CACNA1C: variants seen among roughly 807,000 people sequenced by gnomAD.
CACNA1C encodes calcium voltage-gated channel subunit alpha1 C.
A neutral mutation model predicts 229.0 loss-of-function variants in CACNA1C; 30 were observed. The observed-to-expected ratio is 0.13, with a 90% CI of 0.10 to 0.18. The LOEUF (loss-of-function observed/expected upper bound fraction) is 0.18. Ranked by LOEUF, CACNA1C falls within the 10% of genes least tolerant of loss-of-function variation. The pLI, the probability that CACNA1C is intolerant of heterozygous loss-of-function variation, is 1.00. For missense variants in CACNA1C, 1,658 were observed against 2,845.0 expected, an observed-to-expected ratio of 0.58 and a Z score of 9.49; for synonymous variants, 1,114 against 1,132.5, an observed-to-expected ratio of 0.98 and a Z score of 0.33.
chr12:2,311,950 G>A (rs1421031441), intron 3 of CACNA1C, among the ~76,000 whole-genome samples: 3 of 152,176 alleles, frequency 2.0e-5, no homozygotes, highest in African/African-American at 7.2e-5. Flanking sequence ...AAATAAAAGA[G>A]CAGGGTGTTC....
rs1488680576 is a variant in CACNA1C, at chr12:2,054,143, T to C, written c.49+532T>C. ...CACTCTCGTCCAGGCGCCCCTGCCC[T>C]GGGCGGCGCGCTCCAGGTGGCGGGT... is the stretch of plus-strand genomic sequence containing the variant. On this transcript the variant is annotated intron_variant, in intron 1 of 46. Coordinates refer to ENST00000399655, the MANE Select transcript of CACNA1C (RefSeq NM_000719.7). The surrounding 1 kb of genome is among the most constrained non-coding windows in gnomAD (Gnocchi z 5.5). 6.6e-6 allele frequency among the ~76,000 whole-genome samples: 1 copy of C among 151,430 alleles called. No individual in the cohort carries two copies. The highest frequency in any genetic ancestry group is 2.0e-4 in the East Asian group (1 of 5,106).
At chr12:2,291,100 T>C (rs1427506212) in intron 3 of CACNA1C, among the ~76,000 whole-genome samples, 1 of 152,192 alleles carries the variant, frequency 6.6e-6, no homozygotes, top group African/African-American at 2.4e-5. Flanking sequence ...TGATGGTGAA[T>C]ATGTCGTAGG....
chr12:2,171,089 C>T (rs1201943233), intron 3 of CACNA1C, among the ~76,000 whole-genome samples: 1 of 152,212 alleles, frequency 6.6e-6, no homozygotes, highest in African/African-American at 2.4e-5. Context: ...ACATCTTTTA[C>T]CTGGCGGATC....
intron 4 of CACNA1C, among the ~76,000 whole-genome samples, chr12:2,451,714 G>A (rs1240768949): frequency 2.0e-5 from 3 of 152,200 alleles, no homozygotes; most frequent in Non-Finnish European, 4.4e-5. Flanking sequence ...ACCACAAGGG[G>A]CCAGGCTTTT....
At chr12:2,626,222 C>T (rs960976144) in intron 29 of CACNA1C, among the ~76,000 whole-genome samples, 6 of 152,320 alleles carry the variant, frequency 3.9e-5, no homozygotes, top group South Asian at 4.1e-4. Context: ...CCCTGCCTGG[C>T]GTACCTGTGC....
rs1042431934 is a variant in CACNA1C at position 2,632,671 on chromosome 12, C to T, written c.3829-1626C>T. Among the ~76,000 whole-genome samples, 11 of 152,330 alleles carry T rather than the reference C, an allele frequency of 7.2e-5. No homozygotes were observed. In the East Asian group the frequency reaches 2.1e-3, roughly 29 times the overall value. ...CTCTCCTTCAGGGCACCACTGTCTT[C>T]ATCCCCTTCTAGGCAGCCAGCCTCC... is the stretch of plus-strand genomic sequence containing the variant. On this transcript the variant is annotated intron_variant, in intron 29 of 46. Coordinates refer to ENST00000399655, the MANE Select transcript of CACNA1C (RefSeq NM_000719.7). The surrounding 1 kb of genome is among the most constrained non-coding windows in gnomAD (Gnocchi z 4.1).
At chr12:2,205,329 G>A (rs1344832480) in intron 3 of CACNA1C, among the ~76,000 whole-genome samples, 2 of 152,196 alleles carry the variant, frequency 1.3e-5, no homozygotes, top group East Asian at 3.9e-4. Flanking sequence ...GTGGGGGCAG[G>A]GCATGTAGCC....
rs113356074 is a variant in CACNA1C, at chr12:2,296,397, T to G, written c.478-152579T>G. ...GACAACAAAGACATCTGATATTTCC[T>G]GACACTGCCATCCTCTGGGCTCTGG... is the stretch of plus-strand genomic sequence containing the variant. On this transcript the variant is annotated intron_variant, in intron 3 of 46. Transcript: ENST00000399655. Among the ~76,000 whole-genome samples, 19 of 152,340 alleles carry G rather than the reference T, an allele frequency of 1.2e-4. 1 individual carries two copies. Among genetic ancestry groups the G allele is most frequent in the African/African-American group, 4.6e-4 (19 of 41,580 alleles).
chr12:2,457,789 C>G, intron 5 of CACNA1C, 83 bp downstream of exon 5: 1 of 1,215,222 alleles, frequency 8.2e-7, no homozygotes, highest in Non-Finnish European at 1.1e-6. Flanking sequence ...GAACACTCTG[C>G]AAAGGGACCT....
Position 2,029,721 on chromosome 12 carries a change from C to T in CACNA1C, c.139+58520C>T, listed in dbSNP as rs763776565. 2.0e-5 allele frequency among the ~76,000 whole-genome samples: 3 copies of T among 152,182 alleles called. No individual in the cohort carries two copies. The highest frequency in any genetic ancestry group is 2.9e-5 in the Non-Finnish European group (2 of 68,034). On this transcript the variant is annotated intron_variant, in intron 1 of 46. Transcript: ENST00000682462. This position sits in a 1 kb window ranked among gnomAD's most constrained non-coding sequence, Gnocchi z 4.9. The stretch of plus-strand genomic sequence containing the variant: ...TGACACAGTTTTCTGTTTCTTTCCA[C>T]CCCACAACTTGGTCATTAGTAAGGG...
Position 2,585,923 on chromosome 12 carries a change from A to C in CACNA1C, c.2530+19A>C, listed in dbSNP as rs757560550. The C allele has an allele frequency of 4.8e-5, 72 of 1,512,496 alleles. No homozygotes were observed. The highest frequency in any genetic ancestry group is 6.1e-5 in the Non-Finnish European group (68 of 1,108,016). 93.7% of individuals were successfully genotyped at this position (1,512,496 alleles called of 1,614,324 possible). On this transcript the variant is annotated intron_variant, in intron 18 of 46. Coordinates refer to ENST00000399655, the MANE Select transcript of CACNA1C (RefSeq NM_000719.7). This position sits in a 1 kb window ranked among gnomAD's most constrained non-coding sequence, Gnocchi z 4.1. ...ACTACAGGTACCAGTCCCACTGCCT[A>C]ACCTGGGATTGGGAGATTGGGGGCA...
At chr12:2,263,315 C>T (rs942307116) in intron 3 of CACNA1C, among the ~76,000 whole-genome samples, 8 of 151,710 alleles carry the variant, frequency 5.3e-5, no homozygotes, top group Admixed American at 3.3e-4. Context: ...GGGCCAGGTG[C>T]GGAGGCCCTC....
rs1232415286 is a variant in CACNA1C, at chr12:2,601,703, G to A, written c.2854-151G>A. 1 of 649,376 alleles carries A rather than the reference G, an allele frequency of 1.5e-6. No homozygotes were observed. The highest frequency in any genetic ancestry group is 2.8e-6 in the Non-Finnish European group (1 of 351,992). 40.2% of individuals were successfully genotyped at this position (649,376 alleles called of 1,614,324 possible). A position where few individuals can be genotyped will look rare whatever the true frequency, so the allele number is the denominator to read the frequency against. On this transcript the variant is annotated intron_variant, in intron 21 of 46. Transcript: ENST00000399655. This position sits in a 1 kb window ranked among gnomAD's most constrained non-coding sequence, Gnocchi z 5.9. ...GCATGGTAGCAGAACTCTTTTCTTG[G>A]CACCATAGCGCCGTCTTTGTCCTTC...
intron 1 of CACNA1C, among the ~76,000 whole-genome samples, chr12:2,055,734 G>T (rs1455885344): frequency 6.6e-6 from 1 of 152,206 alleles, no homozygotes; most frequent in Non-Finnish European, 1.5e-5. Context: ...AAGCTGCAGT[G>T]ATTATATAAT....
Position 2,651,057 on chromosome 12 carries a change from A to G in CACNA1C, c.3946-583A>G. ...GGGCTGTGGAAAGTAGAAGGAGGTG[A>G]TACAAGGAAAGTGCTGGAGTCCCAA... On this transcript the variant is annotated intron_variant, in intron 31 of 46. Transcript: ENST00000399655. The surrounding 1 kb of genome is among the most constrained non-coding windows in gnomAD (Gnocchi z 5.4). 1 of 153,222 alleles carries G rather than the reference A, an allele frequency of 6.5e-6. No individual in the cohort carries two copies. The allele number at this position is 153,222 out of a possible 1,614,324, so 9.5% of individuals were successfully genotyped here.
At chr12:2,582,973 G>A in intron 15 of CACNA1C, 31 bp downstream of exon 15, 1 of 1,491,462 alleles carries the variant, frequency 6.7e-7, no homozygotes. Flanking sequence ...CCACCCCTGC[G>A]GCCCCCAGCC....
chr12:2,512,943 A>C lies in CACNA1C; in HGVS notation c.1349A>C (p.Glu450Ala), dbSNP rs757843952. The change falls in exon 9 of 47, where the codon GAG becomes GCG. Residue 450 changes from glutamate to alanine, a missense_variant. Transcript: ENST00000399655. This position sits in a 1 kb window ranked among gnomAD's most constrained non-coding sequence, Gnocchi z 4.3. ...WITQAEDIDP[E>A]NEDEGMDEEK... ...ACTCAGGCCGAAGACATCGATCCTG[A>C]GAATGAGGACGAAGGCATGGATGAG... 2.5e-6 allele frequency: 4 copies of C among 1,611,104 alleles called. No homozygotes were observed. Among genetic ancestry groups the C allele is most frequent in the Non-Finnish European group, 3.4e-6 (4 of 1,178,674 alleles).
intron 5 of CACNA1C, among the ~76,000 whole-genome samples, chr12:2,482,414 C>A (rs1179201355): frequency 6.6e-6 from 1 of 152,216 alleles, no homozygotes; most frequent in Non-Finnish European, 1.5e-5. Context: ...GAGCCCTGTG[C>A]CACCACTTCC....
chr12:2,460,654 G>A (rs2099494566), intron 5 of CACNA1C, among the ~76,000 whole-genome samples: 1 of 152,198 alleles, frequency 6.6e-6, no homozygotes, highest in African/African-American at 2.4e-5. Context: ...TCTCTCAAGA[G>A]GATGCAGGCC....
Sources: gnomAD v4.1 joint callset for allele counts (sites outside exome capture counted in the v4.1 genomes callset) on GRCh38, gnomAD v4.1.1 for gene constraint, Gnocchi (gnomAD v3.1) non-coding constraint, MANE v1.5 for transcripts, NCBI Gene and HGNC (gene_info 2026-07-23, HGNC 2026-07-21) for gene names.